Variants in APOBEC3B observed in about 807,000 individuals in gnomAD.
APOBEC3B encodes the protein apolipoprotein B mRNA editing enzyme catalytic subunit 3B.
In APOBEC3B, 29 loss-of-function variants were observed where a neutral mutation model predicts 53.4. That is an observed-to-expected ratio of 0.54 (90% CI 0.40 to 0.74). The LOEUF (loss-of-function observed/expected upper bound fraction) is 0.74, where lower values mean the gene tolerates loss of function less well. Among genes scored for constraint, APOBEC3B ranks in the 30% least tolerant of loss-of-function variants. The pLI is 0.00. For missense variants in APOBEC3B, 347 were observed against 496.2 expected, an observed-to-expected ratio of 0.70 and a Z score of 2.86; for synonymous variants, 132 against 184.8, an observed-to-expected ratio of 0.71 and a Z score of 2.32.
chr22:38,991,652 TG>T, intron 6 of APOBEC3B, 26 bp downstream of exon 6: 6 of 283,248 alleles, frequency 2.1e-5, no homozygotes, highest in Non-Finnish European at 3.5e-5. Context: ...TCAGGTGGGG[TG>T]GGGTGGGTGG....
At chr22:38,982,966 C>T (rs911851507) in intron 1 of APOBEC3B, among the ~76,000 whole-genome samples, 1 of 148,474 alleles carries the variant, frequency 6.7e-6, no homozygotes, top group African/African-American at 2.5e-5. Context: ...AAGGATGACT[C>T]CATGGTGAGC....
intron 4 of APOBEC3B, 79 bp from the exon 5 acceptor site, chr22:38,989,378 T>TG: frequency 7.5e-7 from 1 of 1,325,304 alleles, no homozygotes; most frequent in Non-Finnish European, 1.0e-6. Flanking sequence ...AGGGAAGGAG[T>TG]GGGGGGTGCA....
chr22:38,988,726 T>TTTCTTTCTTTCTTTCC lies in APOBEC3B; in HGVS notation c.570-716_570-715insCTTCTTTCTTTCTTTC, dbSNP rs58852539. ...CTTTCTTTCTTTCTTTCTTTCTTTCTTTCTTTCTTTCTTTCTTTCTTCCTT... is the reference window on the plus strand; with the variant it reads ...CTTTCTTTCTTTCTTTCTTTCTTTCTTTCTTTCTTTCTTTCCTTCTTTCTTTCTTTCTTTCTTCCTT... On this transcript the variant is annotated intron_variant, in intron 4 of 7. Coordinates refer to ENST00000333467, the MANE Select transcript of APOBEC3B (RefSeq NM_004900.5). 5.1e-5 allele frequency among the ~76,000 whole-genome samples: 7 copies of TTTCTTTCTTTCTTTCC among 136,208 alleles called. No homozygotes were observed. In the South Asian group the frequency reaches 1.1e-3, roughly 21 times the overall value. 89.4% of individuals were successfully genotyped at this position (136,208 alleles called of 152,430 possible). A position where few individuals can be genotyped will look rare whatever the true frequency, so the allele number is the denominator to read the frequency against.
rs368579311 is a variant in APOBEC3B, at chr22:38,986,291, A to G, written c.455-7A>G. On this transcript the variant is annotated splice_polypyrimidine_tract_variant and splice_region_variant and intron_variant, in intron 3 of 7. Transcript: ENST00000333467. ...GAGCCTGACTGCTTCCCGCTTCTTC[A>G]TCTCAGAATTTGCATACTGCTGGGA... 3 of 1,592,630 alleles carry G rather than the reference A, an allele frequency of 1.9e-6. No individual in the cohort carries two copies. Among genetic ancestry groups the G allele is most frequent in the African/African-American group, 2.7e-5 (2 of 74,206 alleles).
chr22:38,991,794 CGGGGAGG>C (rs1924012157), intron 6 of APOBEC3B, among the ~76,000 whole-genome samples, 168 bp downstream of exon 6: 1 of 147,818 alleles, frequency 6.8e-6, no homozygotes, highest in Admixed American at 7.0e-5. Flanking sequence ...GATATGGGCC[CGGGGAGG>C]GTGGCTGGAA....
At chr22:38,986,438 A>T in intron 4 of APOBEC3B, 26 bp downstream of exon 4, 1 of 1,586,350 alleles carries the variant, frequency 6.3e-7, no homozygotes, top group South Asian at 1.1e-5. Flanking sequence ...TGGCCTCATC[A>T]TCTCTCTCCT....
rs1004362190 is a variant in APOBEC3B at position 38,987,118 on chromosome 22, A to G, written c.569+706A>G. The stretch of plus-strand genomic sequence containing the variant: ...CCTGGAAGATAGAAATAGAATCCAA[A>G]CCCAGGACTAACATCAGGGCCAAGA... On this transcript the variant is annotated intron_variant, in intron 4 of 7. Transcript: ENST00000333467. Among the ~76,000 whole-genome samples, 19 of 148,736 alleles carry G rather than the reference A, an allele frequency of 1.3e-4. 4 individuals are homozygous for G. The highest frequency in any genetic ancestry group is 1.0e-3 in the Admixed American group (15 of 14,558).
chr22:38,992,717 TTGGCTCC>T lies in APOBEC3B; in HGVS notation c.*273_*279del. The T allele has an allele frequency of 2.2e-6, 2 of 902,956 alleles. No individual in the cohort carries two copies. The highest frequency in any genetic ancestry group is 1.6e-6 in the Non-Finnish European group (1 of 609,004). 55.9% of individuals were successfully genotyped at this position (902,956 alleles called of 1,614,324 possible). A position where few individuals can be genotyped will look rare whatever the true frequency, so the allele number is the denominator to read the frequency against. On this transcript the variant is annotated 3_prime_UTR_variant, in exon 8 of 8. Transcript: ENST00000333467. ...TTCAATGTATTAATGAAGTGATTAA[TTGGCTCC>T]ATATTTAGACTAATAAAACATTAAG...
rs748601228 is a variant in APOBEC3B at position 38,982,509 on chromosome 22, C to A, written c.17+39C>A. The A allele has an allele frequency of 1.8e-5, 28 of 1,591,356 alleles. 1 individual carries two copies. Among genetic ancestry groups the A allele is most frequent in the Non-Finnish European group, 2.4e-5 (28 of 1,171,182 alleles). On this transcript the variant is annotated intron_variant, in intron 1 of 7. Coordinates refer to ENST00000333467, the MANE Select transcript of APOBEC3B (RefSeq NM_004900.5). ...CTCTGCCTGCTGGGCCCCTCCTGCC[C>A]CTTCCTGCCTGGTGGTCCTGCTGGG...
At chr22:38,984,895 C>CTTTTTTTTT (rs11308471) in intron 2 of APOBEC3B, among the ~76,000 whole-genome samples, 3 of 84,832 alleles carry the variant, frequency 3.5e-5, no homozygotes, top group Non-Finnish European at 4.6e-5. Context: ...TCTTTTTTTC[C>CTTTTTTTTT]TTTTTTTTTT....
chr22:38,982,368 C>A lies in APOBEC3B; in HGVS notation c.-86C>A. ...GGTCACTTTAAGGAGGGCTGTCCAA[C>A]TGCAAGGACGCTGTAAGCAGGAAGT... On this transcript the variant is annotated 5_prime_UTR_variant, in exon 1 of 8. The change creates a new upstream start codon in the 5' untranslated region. Transcript: ENST00000333467. 1 of 1,559,094 alleles carries A rather than the reference C, an allele frequency of 6.4e-7. No individual in the cohort carries two copies. The highest frequency in any genetic ancestry group is 8.7e-7 in the Non-Finnish European group (1 of 1,144,000).
chr22:38,992,472 G>A lies in APOBEC3B; in HGVS notation c.*27G>A, dbSNP rs1489716875. On this transcript the variant is annotated 3_prime_UTR_variant, in exon 8 of 8. Coordinates refer to ENST00000333467, the MANE Select transcript of APOBEC3B (RefSeq NM_004900.5). ...GGATGGGCCTCAGTCTCTAAGGAAG[G>A]CAGAGACCTGGGTTGAGCAGCAGAA... 6.4e-7 allele frequency: 1 copy of A among 1,552,292 alleles called. No homozygotes were observed. Among genetic ancestry groups the A allele is most frequent in the Non-Finnish European group, 8.7e-7 (1 of 1,147,996 alleles).
At position 38,990,303 on chromosome 22, in the gene APOBEC3B, G is replaced by A. The variant is rs548812737; in HGVS notation, c.723+693G>A. Among the ~76,000 whole-genome samples the A allele has an allele frequency of 2.3e-4, 34 of 147,794 alleles. 6 individuals carry two copies. Among genetic ancestry groups the A allele is most frequent in the Middle Eastern group, 3.4e-3 (1 of 290 alleles). On this transcript the variant is annotated intron_variant, in intron 5 of 7. Transcript: ENST00000333467. ...CACACTGCTTGGAACATCCTTTCAAGGGTGCCAGTCTCCATCACCGCCTAA... is the reference window on the plus strand; with the variant it reads ...CACACTGCTTGGAACATCCTTTCAAAGGTGCCAGTCTCCATCACCGCCTAA...
Position 38,991,584 on chromosome 22 carries a change from C to T in APOBEC3B, c.976C>T (p.Leu326=). The change falls in exon 6 of 8, where the codon CTG becomes TTG. Residue 326 remains leucine (L), a synonymous_variant. Transcript: ENST00000333467. The part of the protein sequence containing the change: ...DPLYKEALQM[L]RDAGAQVSIM... ...CCTATATAAGGAGGCGCTGCAAATG[C>T]TGCGGGATGCTGGGGCCCAAGTCTC... is the stretch of plus-strand genomic sequence containing the variant. 2.0e-6 allele frequency: 3 copies of T among 1,525,446 alleles called. No homozygotes were observed. Among genetic ancestry groups the T allele is most frequent in the Non-Finnish European group, 2.7e-6 (3 of 1,130,162 alleles). 94.5% of individuals were successfully genotyped at this position (1,525,446 alleles called of 1,614,324 possible).
rs17000717 is a variant in APOBEC3B, at chr22:38,985,835, C to A, written c.198C>A (p.His66Gln). ...RGQVYFKPQY[H>Q]AEMCFLSWFC... ...AGGTGTATTTCAAGCCTCAGTACCA[C>A]GCAGAAATGTGCTTCCTCTCTTGGT... The change falls in exon 3 of 8, where the codon CAC becomes CAA. Residue 66 changes from histidine (H) to glutamine (Q), a missense_variant. This residue lies in a region of APOBEC3B where 73 missense variants were observed against 90.9 expected (regional missense o/e 0.80). Transcript: ENST00000333467. 2.5e-6 allele frequency: 4 copies of A among 1,592,130 alleles called. No homozygotes were observed. The highest frequency in any genetic ancestry group is 2.6e-6 in the Non-Finnish European group (3 of 1,172,214).
intron 5 of APOBEC3B, among the ~76,000 whole-genome samples, chr22:38,990,323 G>A (rs1363267386): frequency 6.8e-6 from 1 of 147,186 alleles, no homozygotes; most frequent in Non-Finnish European, 1.5e-5. Flanking sequence ...CTCCATCACC[G>A]CCTAAGCAGT....
rs1410263735 is a variant in APOBEC3B, at chr22:38,992,565, A to T, written c.*120A>T. 1.2e-6 allele frequency: 2 copies of T among 1,607,556 alleles called. No individual in the cohort carries two copies. Among genetic ancestry groups the T allele is most frequent in the African/African-American group, 2.7e-5 (2 of 74,746 alleles). On this transcript the variant is annotated 3_prime_UTR_variant, in exon 8 of 8. Transcript: ENST00000333467. ...CCATCTCCAGCTGCTCACAGACACC[A>T]GCAAAGCAATGTGCTCCTGATCAAG...
chr22:38,992,561 C>T lies in APOBEC3B; in HGVS notation c.*116C>T. The T allele has an allele frequency of 6.2e-7, 1 of 1,608,158 alleles. No homozygotes were observed. The highest frequency in any genetic ancestry group is 2.2e-5 in the East Asian group (1 of 44,768). ...ACCACCATCTCCAGCTGCTCACAGA[C>T]ACCAGCAAAGCAATGTGCTCCTGAT... On this transcript the variant is annotated 3_prime_UTR_variant, in exon 8 of 8. Transcript: ENST00000333467.
In APOBEC3B at chr22:38,988,687, T is replaced by TTTCTCTTTCTCTCTTTCTC. The variant is rs1491021212; in HGVS notation, c.570-769_570-768insTCTCTTTCTCTCTTTCTCT. Among the ~76,000 whole-genome samples the TTTCTCTTTCTCTCTTTCTC allele has an allele frequency of 5.4e-3, 244 of 45,206 alleles. 21 individuals carry two copies. Among genetic ancestry groups the TTTCTCTTTCTCTCTTTCTC allele is most frequent in the Admixed American group, 8.7e-3 (36 of 4,130 alleles). 29.7% of individuals were successfully genotyped at this position (45,206 alleles called of 152,430 possible). On this transcript the variant is annotated intron_variant, in intron 4 of 7. Coordinates refer to ENST00000333467, the MANE Select transcript of APOBEC3B (RefSeq NM_004900.5). Reference sequence around the variant, plus strand: ...TTCCTCTCTCTTTCTCTCTTTCTCTTTCTTTCTTTCTTTCTTTCTTTCTTT... The same window carrying TTTCTCTTTCTCTCTTTCTC: ...TTCCTCTCTCTTTCTCTCTTTCTCTTTTCTCTTTCTCTCTTTCTCTCTTTCTTTCTTTCTTTCTTTCTTT...
Sources: allele counts gnomAD v4.1 joint callset (sites outside exome capture counted in the v4.1 genomes callset), GRCh38; gene constraint gnomAD v4.1.1; regional missense constraint gnomAD v4.1.1; transcripts MANE v1.5; gene names NCBI Gene and HGNC (gene_info 2026-07-23, HGNC 2026-07-21).